IFNG-AS1: variants seen among roughly 807,000 people sequenced by gnomAD.
The protein encoded by IFNG-AS1 is IFNG antisense RNA 1 (non-protein coding).
chr12:68,006,226 A>G (rs1444199415), intron 3 of IFNG-AS1: 1 of 152,254 alleles, frequency 6.6e-6, no homozygotes, highest in Non-Finnish European at 1.5e-5. Context: ...GACAAAAGTG[A>G]CAAGGTGGTT....
chr12:67,989,759 G>A (rs71452366), intron 1 of IFNG-AS1, among the ~76,000 whole-genome samples: 1 of 152,176 alleles, frequency 6.6e-6, no homozygotes, highest in South Asian at 2.1e-4. Flanking sequence ...GGGTGGAGAG[G>A]AGGAAGGAGA....
At chr12:67,989,984 G>A (rs184394460) in intron 1 of IFNG-AS1, among the ~76,000 whole-genome samples, 1 of 152,224 alleles carries the variant, frequency 6.6e-6, no homozygotes, top group East Asian at 1.9e-4. Flanking sequence ...TGGATGAGTT[G>A]GGAAGAAAAT....
rs1295011375 is a variant in IFNG-AS1 at position 68,018,747 on chromosome 12, CT to C, written n.242-1106del. Among the ~76,000 whole-genome samples the C allele has an allele frequency of 6.0e-5, 9 of 149,886 alleles. No homozygotes were observed. In the East Asian group the frequency reaches 1.2e-3, roughly 20 times the overall value. On this transcript the variant is annotated intron_variant and non_coding_transcript_variant, in intron 3 of 5. Coordinates refer to ENST00000536914, the Ensembl canonical transcript of IFNG-AS1. ...ATGCTCAGGCTTGTTTGAGTCCTTACTTTTTTTTTATTTTGTTTTGTTTTGT... is the reference window on the plus strand; with the variant it reads ...ATGCTCAGGCTTGTTTGAGTCCTTACTTTTTTTTATTTTGTTTTGTTTTGT...
intron 2 of IFNG-AS1, among the ~76,000 whole-genome samples, chr12:67,997,981 A>G (rs549577244): frequency 6.6e-6 from 1 of 152,252 alleles, no homozygotes; most frequent in East Asian, 1.9e-4. Context: ...TGGCAAAAAA[A>G]TTAAAAATAT....
chr12:68,019,164 C>A (rs1469655258), intron 3 of IFNG-AS1, among the ~76,000 whole-genome samples: 4 of 151,998 alleles, frequency 2.6e-5, no homozygotes, highest in African/African-American at 7.3e-5. Flanking sequence ...AAAATAGAAA[C>A]CTTTACAGCC....
At chr12:67,989,907 G>T (rs144430707) in intron 1 of IFNG-AS1, among the ~76,000 whole-genome samples, 1 of 152,192 alleles carries the variant, frequency 6.6e-6, no homozygotes, top group East Asian at 2.0e-4. Flanking sequence ...TGATTAAGTT[G>T]TGAGAGTGTT....
chr12:68,008,717 A>G (rs986548559), intron 3 of IFNG-AS1, among the ~76,000 whole-genome samples: 19 of 152,146 alleles, frequency 1.2e-4, no homozygotes, highest in Non-Finnish European at 1.5e-5. Flanking sequence ...ATCCGCATCC[A>G]CCAAGTAGAA....
rs1395653587 is a variant in IFNG-AS1, at chr12:68,000,941, G to C, written n.184+4868G>C. On this transcript the variant is annotated intron_variant and non_coding_transcript_variant, in intron 2 of 5. Transcript: ENST00000536914. ...TATGTTTTTCTAGGCAACAGATTTA[G>C]AGAACTTCATTTCTATTCAAAAAGC... Among the ~76,000 whole-genome samples, 4 of 152,096 alleles carry C rather than the reference G, an allele frequency of 2.6e-5. No individual in the cohort carries two copies. The East Asian group carries it at 5.8e-4, about 22-fold the overall frequency.
chr12:68,012,750 A>G (rs753121801), intron 3 of IFNG-AS1, among the ~76,000 whole-genome samples: 5 of 152,192 alleles, frequency 3.3e-5, no homozygotes, highest in Non-Finnish European at 7.3e-5. Flanking sequence ...CAGGCATACC[A>G]TAGTTCCAGC....
intron 1 of IFNG-AS1, among the ~76,000 whole-genome samples, chr12:67,992,413 C>G (rs2120409222): frequency 1.3e-5 from 2 of 152,296 alleles, no homozygotes; most frequent in East Asian, 3.9e-4. Flanking sequence ...ACATAGCCCT[C>G]TCACGTGTTT....
chr12:67,990,471 G>A (rs1170909721), intron 1 of IFNG-AS1, among the ~76,000 whole-genome samples: 3 of 152,138 alleles, frequency 2.0e-5, no homozygotes, highest in Admixed American at 1.3e-4. Flanking sequence ...AGTTAAGAGC[G>A]ATTAGCTTTG....
intron 3 of IFNG-AS1, among the ~76,000 whole-genome samples, chr12:68,017,512 G>A (rs1435112215): frequency 6.6e-6 from 1 of 152,162 alleles, no homozygotes; most frequent in Non-Finnish European, 1.5e-5. Context: ...GTGGAGAATT[G>A]AGAAAATTTG....
intron 3 of IFNG-AS1, among the ~76,000 whole-genome samples, chr12:68,011,226 G>A (rs146842312): frequency 0.02 from 3,096 of 152,266 alleles, 39 homozygotes; most frequent in Non-Finnish European, 0.031. Flanking sequence ...GCACTTGTTT[G>A]GTGGTTCTTT....
At chr12:67,994,130 G>A (rs1879579864) in intron 1 of IFNG-AS1, among the ~76,000 whole-genome samples, 1 of 152,182 alleles carries the variant, frequency 6.6e-6, no homozygotes, top group Non-Finnish European at 1.5e-5. Flanking sequence ...CATCACAGGA[G>A]AGTTGTTGTA....
At chr12:68,004,354 A>G (rs1472281111) in intron 2 of IFNG-AS1, among the ~76,000 whole-genome samples, 3 of 151,950 alleles carry the variant, frequency 2.0e-5, no homozygotes, top group Non-Finnish European at 2.9e-5. Context: ...GGATCTTCCA[A>G]GCTTCCTCAG....
chr12:68,015,026 GT>G, intron 3 of IFNG-AS1, among the ~76,000 whole-genome samples: 1 of 152,226 alleles, frequency 6.6e-6, no homozygotes, highest in African/African-American at 2.4e-5. Context: ...TATAAAACAT[GT>G]CAGAACAAAC....
At chr12:67,993,196 T>C (rs948423139) in intron 1 of IFNG-AS1, among the ~76,000 whole-genome samples, 3 of 152,200 alleles carry the variant, frequency 2.0e-5, no homozygotes, top group Admixed American at 6.5e-5. Flanking sequence ...CTGAATTTCA[T>C]TGGGCAGATG....
intron 3 of IFNG-AS1, among the ~76,000 whole-genome samples, chr12:68,010,875 T>C (rs1055251761): frequency 6.6e-6 from 1 of 152,206 alleles, no homozygotes; most frequent in Non-Finnish European, 1.5e-5. Flanking sequence ...TTTACTCCTA[T>C]GCAAAAGGAG....
At chr12:68,015,261 G>A (rs1244446045) in intron 3 of IFNG-AS1, among the ~76,000 whole-genome samples, 5 of 152,118 alleles carry the variant, frequency 3.3e-5, no homozygotes, top group Admixed American at 1.3e-4. Context: ...CTAAAAGTAA[G>A]GCCACAGAAG....
Sources: gnomAD v4.1 joint callset for allele counts (sites outside exome capture counted in the v4.1 genomes callset) on GRCh38, gnomAD v4.1.1 for gene constraint, MANE v1.5 for transcripts, NCBI Gene and HGNC (gene_info 2026-07-23, HGNC 2026-07-21) for gene names.